OXR1: variants seen among roughly 807,000 people sequenced by gnomAD.
The protein encoded by OXR1 is oxidation resistance protein 1.
In OXR1, 41 loss-of-function variants were observed where a neutral mutation model predicts 104.6. The observed-to-expected ratio is 0.39, with a 90% CI of 0.31 to 0.51. The LOEUF is 0.51. Among genes scored for constraint, OXR1 ranks in the 20% least tolerant of loss-of-function variants. The probability of loss-of-function intolerance (pLI) is 0.77; values close to 1 mark genes in which losing one functional copy is unlikely to be tolerated. For synonymous variants in OXR1, 348 were observed against 348.4 expected, an observed-to-expected ratio of 1.00 and a Z score of 0.01; for missense variants, 955 against 1,031.9, an observed-to-expected ratio of 0.93 and a Z score of 1.02.
At chr8:106,473,852 C>CT (rs530411207) in intron 2 of OXR1, among the ~76,000 whole-genome samples, 5,672 of 142,550 alleles carry the variant, frequency 0.04, 243 homozygotes, top group African/African-American at 0.11. Context: ...GTCTATTCCT[C>CT]TTTTTTTTTT....
intron 3 of OXR1, among the ~76,000 whole-genome samples, chr8:106,547,048 G>T (rs13282602): frequency 6.6e-6 from 1 of 151,920 alleles, no homozygotes; most frequent in African/African-American, 2.4e-5. Context: ...GCACCACCAC[G>T]CCTAGCTAAT....
intron 3 of OXR1, among the ~76,000 whole-genome samples, chr8:106,611,496 G>A (rs765535593): frequency 2.6e-5 from 4 of 152,198 alleles, no homozygotes; most frequent in South Asian, 4.1e-4. Context: ...GAGGTCAAGG[G>A]TGATCGAAAG....
chr8:106,725,170 G>T (rs538152956), intron 11 of OXR1, among the ~76,000 whole-genome samples: 1 of 152,072 alleles, frequency 6.6e-6, no homozygotes, highest in African/African-American at 2.4e-5. Context: ...TAGGGGAAAT[G>T]GTTGGTATGT....
At chr8:106,459,243 T>C (rs2130642507) in intron 2 of OXR1, among the ~76,000 whole-genome samples, 1 of 152,174 alleles carries the variant, frequency 6.6e-6, no homozygotes, top group South Asian at 2.1e-4. Flanking sequence ...AATGCTGTTA[T>C]TGGGGAGTGG....
chr8:106,453,583 A>G (rs1820440156), intron 2 of OXR1, among the ~76,000 whole-genome samples: 1 of 152,112 alleles, frequency 6.6e-6, no homozygotes. Flanking sequence ...TCCTCCTACC[A>G]CCAGTTCCTT....
intron 1 of OXR1, among the ~76,000 whole-genome samples, chr8:106,277,512 A>G (rs568595603): frequency 2.0e-5 from 3 of 152,210 alleles, no homozygotes; most frequent in Non-Finnish European, 4.4e-5. Flanking sequence ...ACTCTCAAGA[A>G]TCATAAAGCC....
chr8:106,726,026 C>T (rs1399114132), intron 11 of OXR1: 3 of 563,238 alleles, frequency 5.3e-6, no homozygotes, highest in African/African-American at 2.0e-5. Context: ...TTCTCTCTTC[C>T]CTCCCCAGCT....
chr8:106,596,708 T>C (rs1035803537), intron 3 of OXR1, among the ~76,000 whole-genome samples: 2 of 151,904 alleles, frequency 1.3e-5, no homozygotes, highest in Non-Finnish European at 2.9e-5. Flanking sequence ...CTCCATAGAG[T>C]CAATGGTTCT....
At chr8:106,361,011 T>C (rs954627545) in intron 2 of OXR1, among the ~76,000 whole-genome samples, 1 of 152,164 alleles carries the variant, frequency 6.6e-6, no homozygotes, top group Non-Finnish European at 1.5e-5. Flanking sequence ...AGGACTAACA[T>C]TGAGGCCTGG....
chr8:106,429,222 G>A (rs1819261074), intron 2 of OXR1, among the ~76,000 whole-genome samples: 1 of 151,984 alleles, frequency 6.6e-6, no homozygotes, highest in African/African-American at 2.4e-5. Context: ...GCTCTGAGTT[G>A]GCCCCCCAAT....
intron 2 of OXR1, among the ~76,000 whole-genome samples, chr8:106,392,152 A>AATGG (rs1225429830): frequency 6.6e-6 from 1 of 152,154 alleles, no homozygotes; most frequent in African/African-American, 2.4e-5. Context: ...CAAATAACCC[A>AATGG]ATGGATGTTC....
intron 3 of OXR1, among the ~76,000 whole-genome samples, chr8:106,598,738 T>G (rs1819715129): frequency 6.6e-6 from 1 of 152,240 alleles, no homozygotes; most frequent in Non-Finnish European, 1.5e-5. Flanking sequence ...AATATTCATA[T>G]TTACATAGTC....
At chr8:106,385,652 G>T (rs890689901) in intron 2 of OXR1, among the ~76,000 whole-genome samples, 8 of 152,274 alleles carry the variant, frequency 5.3e-5, no homozygotes, top group African/African-American at 1.9e-4. Flanking sequence ...CAGGTAGTGA[G>T]TGTCTAAAAT....
At chr8:106,387,150 C>T (rs893643142) in intron 2 of OXR1, among the ~76,000 whole-genome samples, 8 of 152,124 alleles carry the variant, frequency 5.3e-5, no homozygotes, top group African/African-American at 1.9e-4. Flanking sequence ...AGTGCCATGC[C>T]TCTTACATAT....
At chr8:106,294,186 A>C (rs1486324682) in intron 1 of OXR1, among the ~76,000 whole-genome samples, 1 of 151,656 alleles carries the variant, frequency 6.6e-6, no homozygotes, top group Non-Finnish European at 1.5e-5. Flanking sequence ...GCAGATAATG[A>C]GGTCAGGAAT....
chr8:106,549,244 A>G (rs921627), intron 3 of OXR1, among the ~76,000 whole-genome samples: 16,792 of 144,060 alleles, frequency 0.12, 1,323 homozygotes, highest in African/African-American at 0.23. Context: ...CATATCAAAC[A>G]TTTTTTTTTT....
intron 3 of OXR1, among the ~76,000 whole-genome samples, chr8:106,534,476 C>G (rs976102446): frequency 7.2e-5 from 11 of 152,142 alleles, no homozygotes; most frequent in Non-Finnish European, 1.3e-4. Flanking sequence ...GAAATGACCA[C>G]AAAGTAGTAA....
chr8:106,481,791 G>C (rs545162277), intron 2 of OXR1, among the ~76,000 whole-genome samples: 2 of 152,094 alleles, frequency 1.3e-5, no homozygotes, highest in South Asian at 4.2e-4. Context: ...TCGATATTGT[G>C]TCTCAGAATT....
At chr8:106,273,588 G>A (rs1252036499) in intron 1 of OXR1, among the ~76,000 whole-genome samples, 1 of 152,202 alleles carries the variant, frequency 6.6e-6, no homozygotes, top group Non-Finnish European at 1.5e-5. Flanking sequence ...TGCTTAATTT[G>A]AGAAACTTGG....
Sources: allele counts gnomAD v4.1 joint callset (sites outside exome capture counted in the v4.1 genomes callset), GRCh38; gene constraint gnomAD v4.1.1; transcripts MANE v1.5; gene names NCBI Gene and HGNC (gene_info 2026-07-23, HGNC 2026-07-21).